Variants in CSMD1 observed in about 807,000 individuals in gnomAD.
The protein encoded by CSMD1 is CUB and Sushi multiple domains 1.
Under a neutral mutation model 417.5 loss-of-function variants are expected in CSMD1, and 213 were observed. That is an observed-to-expected ratio of 0.51 (90% CI 0.46 to 0.57). The LOEUF (loss-of-function observed/expected upper bound fraction) is 0.57. Among genes scored for constraint, CSMD1 ranks in the 20% least tolerant of loss-of-function variants. The pLI is 0.00. For synonymous variants in CSMD1, 2,862 were observed against 1,736.8 expected (o/e 1.65, Z -16.11); for missense variants, 6,923 against 4,529.7 (o/e 1.53, Z -15.17).
chr8:3,378,261 C>A (rs1371293234), intron 18 of CSMD1, among the ~76,000 whole-genome samples: 2 of 152,208 alleles, frequency 1.3e-5, no homozygotes, highest in East Asian at 3.9e-4. Context: ...TAATTAATAG[C>A]CTACCAACTA....
At chr8:3,636,725 G>A (rs552438747) in intron 7 of CSMD1, among the ~76,000 whole-genome samples, 1 of 152,244 alleles carries the variant, frequency 6.6e-6, no homozygotes. Flanking sequence ...CATCTTGGGA[G>A]CAGCTGGCTC....
At chr8:3,931,949 A>G (rs1225444460) in intron 5 of CSMD1, among the ~76,000 whole-genome samples, 2 of 149,946 alleles carry the variant, frequency 1.3e-5, no homozygotes, top group African/African-American at 4.9e-5. Context: ...TGTAGAATCT[A>G]AAAAGGACTT....
intron 3 of CSMD1, among the ~76,000 whole-genome samples, chr8:4,353,040 A>G (rs984674477): frequency 5.9e-5 from 9 of 152,234 alleles, no homozygotes; most frequent in Non-Finnish European, 7.3e-5. Context: ...GTCTTAATAT[A>G]TTAGATTGTA....
intron 1 of CSMD1, among the ~76,000 whole-genome samples, chr8:4,895,122 T>A (rs1383755414): frequency 1.3e-5 from 2 of 152,156 alleles, no homozygotes; most frequent in African/African-American, 4.8e-5. Flanking sequence ...GAGTTTTCAC[T>A]CAAAAATACA....
Position 4,707,905 on chromosome 8 carries a change from A to G in CSMD1, c.86-70347T>C, listed in dbSNP as rs1412830550. ...TTGTTTCAAAAAAAAAAAAAAAAAA[A>G]AAAAAAAAAAAAAAAAAAAAAAAAG... On this transcript the variant is annotated intron_variant, in intron 1 of 69. Transcript: ENST00000635120. 2.5e-3 allele frequency among the ~76,000 whole-genome samples: 11 copies of G among 4,404 alleles called. 1 individual carries two copies. The highest frequency in any genetic ancestry group is 9.6e-3 in the Admixed American group (3 of 312). The allele number at this position is 4,404 out of a possible 152,430, so 2.9% of individuals were successfully genotyped here. A position where few individuals can be genotyped will look rare whatever the true frequency, so the allele number is the denominator to read the frequency against.
intron 2 of CSMD1, among the ~76,000 whole-genome samples, chr8:4,431,509 T>C (rs1797871501): frequency 6.6e-6 from 1 of 152,072 alleles, no homozygotes; most frequent in South Asian, 2.1e-4. Context: ...GACCAATTGC[T>C]ACTCAGTTAC....
chr8:4,789,108 C>G (rs566924120), intron 1 of CSMD1, among the ~76,000 whole-genome samples: 2 of 152,274 alleles, frequency 1.3e-5, no homozygotes, highest in South Asian at 4.2e-4. Context: ...CATGAGAAAG[C>G]TACCTCTTGG....
At chr8:4,843,311 C>A (rs1283800738) in intron 1 of CSMD1, among the ~76,000 whole-genome samples, 1 of 152,094 alleles carries the variant, frequency 6.6e-6, no homozygotes, top group Non-Finnish European at 1.5e-5. Context: ...TTTCTACCAC[C>A]AGAGATTCAC....
intron 26 of CSMD1, among the ~76,000 whole-genome samples, chr8:3,257,595 C>A (rs1042637484): frequency 6.6e-6 from 1 of 152,082 alleles, no homozygotes; most frequent in South Asian, 2.1e-4. Context: ...TGGAAGTTCC[C>A]CTGAGATGAT....
chr8:3,782,410 T>A (rs534323305), intron 5 of CSMD1, among the ~76,000 whole-genome samples: 1 of 152,188 alleles, frequency 6.6e-6, no homozygotes, highest in South Asian at 2.1e-4. Flanking sequence ...AAATAGACTA[T>A]AAATAGGCTG....
chr8:3,747,890 C>T (rs754542404), intron 6 of CSMD1, among the ~76,000 whole-genome samples: 1 of 152,026 alleles, frequency 6.6e-6, no homozygotes, highest in South Asian at 2.1e-4. Flanking sequence ...TGAGGAAGGT[C>T]CTCAGTGTGG....
intron 1 of CSMD1, among the ~76,000 whole-genome samples, chr8:4,838,764 G>C (rs1025435620): frequency 6.6e-6 from 1 of 152,172 alleles, no homozygotes; most frequent in African/African-American, 2.4e-5. Context: ...CAAGGAAGCA[G>C]ACCTCCCACC....
intron 5 of CSMD1, among the ~76,000 whole-genome samples, chr8:3,777,389 T>G (rs915526928): frequency 6.6e-6 from 1 of 152,084 alleles, no homozygotes; most frequent in Non-Finnish European, 1.5e-5. Flanking sequence ...GATACTTGCA[T>G]GGCCCCCTCC....
At chr8:3,464,556 A>G (rs563701515) in intron 12 of CSMD1, among the ~76,000 whole-genome samples, 115 of 147,822 alleles carry the variant, frequency 7.8e-4, no homozygotes, top group African/African-American at 2.9e-3. Flanking sequence ...TATGGATTCT[A>G]TCTATTATAA....
chr8:4,958,636 C>G lies in CSMD1; in HGVS notation c.85+35696G>C, dbSNP rs138719497. ...ATAATAAGCTATTCAAGTATGGGAT[C>G]TATGTGAACCAGTCTTTCTGGTTTT... On this transcript the variant is annotated intron_variant, in intron 1 of 69. Coordinates refer to ENST00000635120, the MANE Select transcript of CSMD1 (RefSeq NM_033225.6). 1.2e-3 allele frequency among the ~76,000 whole-genome samples: 187 copies of G among 152,234 alleles called. 1 individual carries two copies. The highest frequency in any genetic ancestry group is 4.4e-3 in the African/African-American group (181 of 41,554).
chr8:4,287,356 G>A (rs182457667), intron 3 of CSMD1, among the ~76,000 whole-genome samples: 1 of 152,076 alleles, frequency 6.6e-6, no homozygotes, highest in Non-Finnish European at 1.5e-5. Flanking sequence ...TTTTAAGAAA[G>A]CACACAATCT....
chr8:3,584,760 G>C (rs4875744), intron 9 of CSMD1, among the ~76,000 whole-genome samples: 3 of 151,908 alleles, frequency 2.0e-5, no homozygotes, highest in Non-Finnish European at 4.4e-5. Context: ...CCTATTTCCC[G>C]GATATAAGAG....
chr8:3,796,438 C>G (rs191011215), intron 5 of CSMD1, among the ~76,000 whole-genome samples: 1 of 75,456 alleles, frequency 1.3e-5, no homozygotes, highest in Non-Finnish European at 2.9e-5. Flanking sequence ...ATATATATAT[C>G]TATCGTGTAT....
intron 1 of CSMD1, among the ~76,000 whole-genome samples, chr8:4,676,206 T>C (rs1563120328): frequency 1.3e-5 from 2 of 152,208 alleles, no homozygotes; most frequent in Non-Finnish European, 2.9e-5. Flanking sequence ...TGAATAGTTT[T>C]GTGGTACTTG....
Sources: gnomAD v4.1 joint callset for allele counts (sites outside exome capture counted in the v4.1 genomes callset) on GRCh38, gnomAD v4.1.1 for gene constraint, MANE v1.5 for transcripts, NCBI Gene and HGNC (gene_info 2026-07-23, HGNC 2026-07-21) for gene names.